The following PCSK9 variants were observed in gnomAD, a reference collection of about 807,000 sequenced individuals.
PCSK9 encodes the protein proprotein convertase subtilisin/kexin type 9.
PCSK9 carries 57 observed loss-of-function variants against 62.1 expected under a neutral mutation model. The ratio of observed to expected loss-of-function variants is 0.92; its 90% CI spans 0.74 to 1.14. The LOEUF is 1.14. Among genes scored for constraint, PCSK9 ranks in the 50% most tolerant of loss-of-function variants. The pLI, the probability that PCSK9 is intolerant of heterozygous loss-of-function variation, is 0.00. For missense variants in PCSK9, 870 were observed against 959.8 expected (o/e 0.91, Z 1.24); for synonymous variants, 387 against 409.4 (o/e 0.95, Z 0.66).
At chr1:55,043,654 G>GAAT (rs1283688377) in intron 1 of PCSK9, among the ~76,000 whole-genome samples, 189 bp from the exon 2 acceptor site, 2 of 152,240 alleles carry the variant, frequency 1.3e-5, no homozygotes, top group Non-Finnish European at 2.9e-5. Context: ...ATAACCATGT[G>GAAT]AATAATAATA....
In PCSK9 at chr1:55,063,383, C is replaced by G; in HGVS notation, c.1878C>G (p.Cys626Trp). The G allele has an allele frequency of 2.5e-6, 4 of 1,613,752 alleles. No individual in the cohort carries two copies. Among genetic ancestry groups the G allele is most frequent in the Non-Finnish European group, 3.4e-6 (4 of 1,179,864 alleles). The change falls in exon 12 of 12, where the codon TGC (cysteine) becomes TGG (tryptophan). Residue 626 changes from cysteine to tryptophan, a missense_variant. Physicochemically the swap from Cys to Trp is radical, Grantham distance 215. Coordinates refer to ENST00000302118, the MANE Select transcript of PCSK9 (RefSeq NM_174936.4). ...PAPQEQVTVA[C>W]EEGWTLTGCS... ...GGCTCTGGCAGGTGACCGTGGCCTG[C>G]GAGGAGGGCTGGACCCTGACTGGCT...
chr1:55,056,130 A>G lies in PCSK9; in HGVS notation c.937A>G (p.Thr313Ala), dbSNP rs1205972630. Residue 313 changes from threonine to alanine, a missense_variant, in exon 6 of 12, where the codon ACC (threonine) becomes GCC (alanine). Coordinates refer to ENST00000302118, the MANE Select transcript of PCSK9 (RefSeq NM_174936.4). Reference sequence around the variant, plus strand: ...GGCGAGGGCTGGGGTCGTGCTGGTCACCGCTGCCGGCAACTTCCGGGACGA... The same window carrying G: ...GGCGAGGGCTGGGGTCGTGCTGGTCGCCGCTGCCGGCAACTTCCGGGACGA... ...RLARAGVVLV[T>A]AAGNFRDDAC... 1.3e-6 allele frequency: 2 copies of G among 1,564,280 alleles called. No individual in the cohort carries two copies. The highest frequency in any genetic ancestry group is 1.7e-6 in the Non-Finnish European group (2 of 1,148,824).
Position 55,043,831 on chromosome 1 carries a change from G to A in PCSK9, c.208-12G>A. 2 of 1,613,854 alleles carry A rather than the reference G, an allele frequency of 1.2e-6. No homozygotes were observed. The highest frequency in any genetic ancestry group is 1.7e-6 in the Non-Finnish European group (2 of 1,180,026). ...CTTCCATGTCATCATGTTCCTCCTTGCATGGGGCCAGGATCCGTGGAGGTT... is the reference window on the plus strand; with the variant it reads ...CTTCCATGTCATCATGTTCCTCCTTACATGGGGCCAGGATCCGTGGAGGTT... On this transcript the variant is annotated splice_polypyrimidine_tract_variant and intron_variant, in intron 1 of 11. Transcript: ENST00000302118.
In PCSK9 at chr1:55,039,834, C is replaced by G; in HGVS notation, c.-4C>G. The G allele has an allele frequency of 6.4e-7, 1 of 1,567,040 alleles. No individual in the cohort carries two copies. Among genetic ancestry groups the G allele is most frequent in the Non-Finnish European group, 8.6e-7 (1 of 1,156,958 alleles). On this transcript the variant is annotated 5_prime_UTR_variant, in exon 1 of 12. Coordinates refer to ENST00000302118, the MANE Select transcript of PCSK9 (RefSeq NM_174936.4). ...CCAGGACAGCAACCTCTCCCCTGGC[C>G]CTCATGGGCACCGTCAGCTCCAGGC...
At chr1:55,042,056 C>G (rs761411050) in intron 1 of PCSK9, among the ~76,000 whole-genome samples, 4 of 152,108 alleles carry the variant, frequency 2.6e-5, no homozygotes, top group Non-Finnish European at 4.4e-5. Flanking sequence ...AAGTGGTTCT[C>G]CTGCCTCAGC....
intron 5 of PCSK9, among the ~76,000 whole-genome samples, chr1:55,055,394 T>C (rs1291208880): frequency 6.6e-6 from 1 of 152,022 alleles, no homozygotes; most frequent in South Asian, 2.1e-4. Context: ...CTCTCTTTCA[T>C]GGAAAGGGAT....
Position 55,052,321 on chromosome 1 carries a change from A to G in PCSK9, c.567A>G (p.Ile189Met). 6.2e-7 allele frequency: 1 copy of G among 1,614,022 alleles called. No homozygotes were observed. The highest frequency in any genetic ancestry group is 8.5e-7 in the Non-Finnish European group (1 of 1,180,024). Reference sequence around the variant, plus strand: ...AGGTGTATCTCCTAGACACCAGCATACAGAGTGACCACCGGGAAATCGAGG... The same window carrying G: ...AGGTGTATCTCCTAGACACCAGCATGCAGAGTGACCACCGGGAAATCGAGG... The part of the protein sequence containing the change: ...LVEVYLLDTS[I>M]QSDHREIEGR... The change falls in exon 4 of 12, where the codon ATA becomes ATG. Residue 189 changes from isoleucine (I) to methionine (M), a missense_variant. Transcript: ENST00000302118.
chr1:55,044,430 C>T (rs1229226451), intron 2 of PCSK9, among the ~76,000 whole-genome samples: 3 of 152,136 alleles, frequency 2.0e-5, no homozygotes, highest in African/African-American at 7.2e-5. Flanking sequence ...TATAAAAAAG[C>T]ATGACTCTAG....
intron 6 of PCSK9, among the ~76,000 whole-genome samples, chr1:55,056,803 C>T (rs1570305822): frequency 6.6e-6 from 1 of 152,072 alleles, no homozygotes; most frequent in East Asian, 1.9e-4. Flanking sequence ...CAGGACACTG[C>T]GGGTATCTAG....
intron 6 of PCSK9, among the ~76,000 whole-genome samples, chr1:55,056,885 G>T (rs7525503): frequency 0.1 from 15,971 of 152,138 alleles, 1,919 homozygotes; most frequent in African/African-American, 0.3. Context: ...GCGCGCGTTG[G>T]GGGTGGGGGT....
chr1:55,057,505 C>A lies in PCSK9; in HGVS notation c.1171C>A (p.His391Asn), dbSNP rs146471967. 1.3e-4 allele frequency: 211 copies of A among 1,611,392 alleles called. 1 individual carries two copies. In the African/African-American group the frequency reaches 2.7e-3, roughly 21 times the overall value. ...SQSGTSQAAA[H>N]VAGIAAMMLS... ...GAGTGGGACATCACAGGCTGCTGCC[C>A]ACGTGGCTGGTAAGTCACCACCCCA... Residue 391 changes from histidine to asparagine, a missense_variant, in exon 7 of 12, where the codon CAC becomes AAC. His to Asn is a moderately conservative substitution (Grantham distance 68). Transcript: ENST00000302118.
chr1:55,048,591 C>T (rs1312433529), intron 3 of PCSK9, among the ~76,000 whole-genome samples: 1 of 152,192 alleles, frequency 6.6e-6, no homozygotes, highest in African/African-American at 2.4e-5. Context: ...TGGAGGAAGT[C>T]CTCCTGGAGC....
chr1:55,047,000 C>T (rs557083629), intron 3 of PCSK9, among the ~76,000 whole-genome samples: 4 of 152,194 alleles, frequency 2.6e-5, no homozygotes, highest in Non-Finnish European at 5.9e-5. Flanking sequence ...ACTCCCAGTG[C>T]CCTGCAGACT....
At position 55,058,590 on chromosome 1, in the gene PCSK9, G is replaced by A. The variant is rs72646518; in HGVS notation, c.1446G>A (p.Glu482=). 6 of 1,612,022 alleles carry A rather than the reference G, an allele frequency of 3.7e-6. No individual in the cohort carries two copies. Among genetic ancestry groups the A allele is most frequent in the African/African-American group, 1.3e-5 (1 of 74,982 alleles). The change falls in exon 9 of 12, where the codon GAG becomes GAA. Residue 482 remains glutamate (E), a synonymous_variant. Coordinates refer to ENST00000302118, the MANE Select transcript of PCSK9 (RefSeq NM_174936.4). ...TAVARCAPDE[E]LLSCSSFSRS... ...TCGCCCGCTGCGCCCCAGATGAGGAGCTGCTGAGCTGCTCCAGTTTCTCCA... is the reference window on the plus strand; with the variant it reads ...TCGCCCGCTGCGCCCCAGATGAGGAACTGCTGAGCTGCTCCAGTTTCTCCA...
intron 10 of PCSK9, among the ~76,000 whole-genome samples, chr1:55,060,886 A>G (rs1644754576): frequency 6.6e-6 from 1 of 152,184 alleles, no homozygotes. Flanking sequence ...TTCTCTTTCC[A>G]TCTTACAAAT....
chr1:55,051,322 C>T (rs1644671319), intron 3 of PCSK9: 1 of 390,248 alleles, frequency 2.6e-6, no homozygotes, highest in African/African-American at 2.1e-5. Flanking sequence ...CCACCTGAGG[C>T]CCTGCTTTTC....
rs1360174848 is a variant in PCSK9, at chr1:55,039,946, G to T, written c.109G>T (p.Asp37Tyr). 1.9e-6 allele frequency: 3 copies of T among 1,574,634 alleles called. No individual in the cohort carries two copies. Among genetic ancestry groups the T allele is most frequent in the Non-Finnish European group, 2.6e-6 (3 of 1,161,224 alleles). The change falls in exon 1 of 12, where the codon GAC (aspartate) becomes TAC (tyrosine). Residue 37 changes from aspartate to tyrosine, a missense_variant. Physicochemically the swap from Asp to Tyr is radical, Grantham distance 160 (BLOSUM62 -3). Coordinates refer to ENST00000302118, the MANE Select transcript of PCSK9 (RefSeq NM_174936.4). ...CCGTGCGCAGGAGGACGAGGACGGCGACTACGAGGAGCTGGTGCTAGCCTT... is the reference window on the plus strand; with the variant it reads ...CCGTGCGCAGGAGGACGAGGACGGCTACTACGAGGAGCTGGTGCTAGCCTT... ...GARAQEDEDG[D>Y]YEELVLALRS...
chr1:55,040,192 C>A lies in PCSK9; in HGVS notation c.207+148C>A. The A allele has an allele frequency of 2.6e-6, 3 of 1,138,610 alleles. No homozygotes were observed. Among genetic ancestry groups the A allele is most frequent in the African/African-American group, 1.5e-5 (1 of 65,452 alleles). 70.5% of individuals were successfully genotyped at this position (1,138,610 alleles called of 1,614,324 possible). A position where few individuals can be genotyped will look rare whatever the true frequency, so the allele number is the denominator to read the frequency against. ...TCTTCGCTTGGCACGATCTTGGGGA[C>A]TGCAGGCAAGGCGGCGGGGGAGGAC... On this transcript the variant is annotated intron_variant, in intron 1 of 11. Coordinates refer to ENST00000302118, the MANE Select transcript of PCSK9 (RefSeq NM_174936.4). This position sits in a 1 kb window ranked among gnomAD's most constrained non-coding sequence, Gnocchi z 4.1.
In PCSK9 at chr1:55,052,640, C is replaced by G. The variant is rs375695759; in HGVS notation, c.658-10C>G. On this transcript the variant is annotated splice_polypyrimidine_tract_variant and intron_variant, in intron 4 of 11. Coordinates refer to ENST00000302118, the MANE Select transcript of PCSK9 (RefSeq NM_174936.4). The stretch of plus-strand genomic sequence containing the variant: ...GTCTTTCTCATGTGGTCCTTGTGTT[C>G]GTCGAGCAGGCCAGCAAGTGTGACA... 1.9e-6 allele frequency: 3 copies of G among 1,612,604 alleles called. No individual in the cohort carries two copies. Among genetic ancestry groups the G allele is most frequent in the African/African-American group, 1.3e-5 (1 of 74,944 alleles).
Sources: allele counts gnomAD v4.1 joint callset (sites outside exome capture counted in the v4.1 genomes callset), GRCh38; gene constraint gnomAD v4.1.1; non-coding constraint Gnocchi (gnomAD v3.1); transcripts MANE v1.5; gene names NCBI Gene and HGNC (gene_info 2026-07-23, HGNC 2026-07-21).